RSBN1L: variants seen among roughly 807,000 people sequenced by gnomAD.
RSBN1L encodes lysine-specific demethylase RSBN1L.
A neutral mutation model predicts 67.7 loss-of-function variants in RSBN1L; 30 were observed. The observed-to-expected ratio is 0.44, with a 90% CI of 0.33 to 0.60. The LOEUF is 0.60. Among genes scored for constraint, RSBN1L ranks in the 20% least tolerant of loss-of-function variants. The probability of loss-of-function intolerance (pLI) is 0.02; values close to 1 mark genes in which losing one functional copy is unlikely to be tolerated. For synonymous variants in RSBN1L, 433 were observed against 387.0 expected, an observed-to-expected ratio of 1.12 and a Z score of -1.39; for missense variants, 992 against 1,031.7, an observed-to-expected ratio of 0.96 and a Z score of 0.53.
intron 1 of RSBN1L, among the ~76,000 whole-genome samples, chr7:77,701,008 A>T (rs1790808232): frequency 6.6e-6 from 1 of 152,060 alleles, no homozygotes; most frequent in South Asian, 2.1e-4. Flanking sequence ...AATACAAAAA[A>T]TTAGCCGGGT....
intron 5 of RSBN1L, among the ~76,000 whole-genome samples, chr7:77,770,517 C>A (rs1377732540): frequency 6.6e-6 from 1 of 152,032 alleles, no homozygotes; most frequent in African/African-American, 2.4e-5. Flanking sequence ...GCCGCCTCTA[C>A]AAAATAAATT....
intron 1 of RSBN1L, among the ~76,000 whole-genome samples, chr7:77,706,808 A>C (rs1790898815): frequency 1.3e-5 from 2 of 152,200 alleles, no homozygotes; most frequent in Non-Finnish European, 2.9e-5. Context: ...GTGCTTGTAG[A>C]TAAAGATTGA....
At chr7:77,763,082 CAAGAT>C (rs1442020741) in intron 3 of RSBN1L, among the ~76,000 whole-genome samples, 1 of 148,282 alleles carries the variant, frequency 6.7e-6, no homozygotes, top group Non-Finnish European at 1.5e-5. Context: ...CTAATTTAAA[CAAGAT>C]AAGGAAATTT....
At chr7:77,713,311 C>A (rs181039745) in intron 1 of RSBN1L, among the ~76,000 whole-genome samples, 98 of 151,782 alleles carry the variant, frequency 6.5e-4, no homozygotes, top group Non-Finnish European at 1.1e-3. Context: ...TTTATGTACT[C>A]AAATTCATCA....
intron 1 of RSBN1L, among the ~76,000 whole-genome samples, chr7:77,699,161 C>T (rs1270260121): frequency 6.6e-6 from 1 of 152,148 alleles, no homozygotes; most frequent in Non-Finnish European, 1.5e-5. Context: ...GTATATACCT[C>T]TTTTTAGTGT....
intron 1 of RSBN1L, among the ~76,000 whole-genome samples, chr7:77,711,829 A>T (rs1464478522): frequency 1.3e-5 from 2 of 152,216 alleles, no homozygotes; most frequent in Non-Finnish European, 2.9e-5. Flanking sequence ...ATTTCCATAT[A>T]TATAGAATTA....
chr7:77,702,740 CG>C (rs1439836317), intron 1 of RSBN1L, among the ~76,000 whole-genome samples: 1 of 152,094 alleles, frequency 6.6e-6, no homozygotes, highest in Non-Finnish European at 1.5e-5. Flanking sequence ...TGGCTGGAAG[CG>C]TGAGGTCAGC....
rs1448290139 is a variant in RSBN1L at position 77,722,748 on chromosome 7, G to T, written c.587-13662G>T. On this transcript the variant is annotated intron_variant, in intron 1 of 7. Transcript: ENST00000334955. ...CTATTTCTAGCCATACATTATTCCT[G>T]GAAGGAATAATGTAAGAGAGGGAAG... 4.0e-5 allele frequency among the ~76,000 whole-genome samples: 6 copies of T among 151,686 alleles called. 1 individual carries two copies. The highest frequency in any genetic ancestry group is 3.9e-4 in the East Asian group (2 of 5,142).
intron 2 of RSBN1L, among the ~76,000 whole-genome samples, chr7:77,738,333 T>C (rs543391290): frequency 2.9e-4 from 44 of 152,286 alleles, no homozygotes; most frequent in African/African-American, 1.1e-3. Context: ...ATATTAACTT[T>C]GAAGTAGACA....
At chr7:77,729,148 G>C (rs551617679) in intron 1 of RSBN1L, among the ~76,000 whole-genome samples, 4 of 152,236 alleles carry the variant, frequency 2.6e-5, no homozygotes, top group African/African-American at 7.2e-5. Context: ...CTGTTTTGCA[G>C]CTTCCATTGT....
chr7:77,762,811 A>G (rs1257652238), intron 3 of RSBN1L, among the ~76,000 whole-genome samples: 1 of 152,152 alleles, frequency 6.6e-6, no homozygotes, highest in African/African-American at 2.4e-5. Flanking sequence ...CTATAATTTA[A>G]TAATGTTATA....
At chr7:77,729,721 G>A (rs1169332105) in intron 1 of RSBN1L, among the ~76,000 whole-genome samples, 1 of 152,188 alleles carries the variant, frequency 6.6e-6, no homozygotes, top group Non-Finnish European at 1.5e-5. Flanking sequence ...GGGAGGCTGA[G>A]GGTAGGTGGA....
At chr7:77,740,515 G>A (rs925443530) in intron 2 of RSBN1L, among the ~76,000 whole-genome samples, 48 of 152,046 alleles carry the variant, frequency 3.2e-4, no homozygotes, top group African/African-American at 1.1e-3. Flanking sequence ...AAGCAGATTC[G>A]AATCCCAGAG....
chr7:77,759,480 T>A (rs1209179606), intron 3 of RSBN1L: 1 of 152,072 alleles, frequency 6.6e-6, no homozygotes, highest in Non-Finnish European at 1.5e-5. Context: ...GGATAATGGC[T>A]CCCCCTTGTG....
chr7:77,717,217 A>G (rs945588682), intron 1 of RSBN1L, among the ~76,000 whole-genome samples: 3 of 152,122 alleles, frequency 2.0e-5, no homozygotes, highest in African/African-American at 7.2e-5. Context: ...TTGGGATTAC[A>G]GGCGTCAGCC....
Position 77,760,852 on chromosome 7 carries a change from T to C in RSBN1L, c.1345-4643T>C, listed in dbSNP as rs148997877. ...GGTTTTGTCATGTTGGCCAGGCTGG[T>C]ATCAAACTCTTGATCTCAAATGATC... On this transcript the variant is annotated intron_variant, in intron 3 of 7. Transcript: ENST00000334955. 3.2e-3 allele frequency among the ~76,000 whole-genome samples: 483 copies of C among 152,352 alleles called. 1 individual carries two copies. The highest frequency in any genetic ancestry group is 0.011 in the African/African-American group (467 of 41,588).
rs1791975067 is a variant in RSBN1L, at chr7:77,779,824, T to TTTTTTTCTTTTTTTC, written c.*663_*677dup. On this transcript the variant is annotated 3_prime_UTR_variant, in exon 8 of 8. Transcript: ENST00000334955. ...TCCTCACACTGTGCAGGCTTTTTTTTTTTTTTCTTTTTTTCTTTTTTTTGA... is the reference window on the plus strand; with the variant it reads ...TCCTCACACTGTGCAGGCTTTTTTTTTTTTTTCTTTTTTTCTTTTTTCTTTTTTTCTTTTTTTTGA... 6.6e-6 allele frequency: 1 copy of TTTTTTTCTTTTTTTC among 151,478 alleles called. No individual in the cohort carries two copies. The highest frequency in any genetic ancestry group is 1.5e-5 in the Non-Finnish European group (1 of 67,806). 9.4% of individuals were successfully genotyped at this position (151,478 alleles called of 1,614,324 possible).
intron 6 of RSBN1L, among the ~76,000 whole-genome samples, chr7:77,776,495 T>G (rs940145031): frequency 6.6e-6 from 1 of 152,268 alleles, no homozygotes; most frequent in African/African-American, 2.4e-5. Flanking sequence ...ATGTCTATTC[T>G]TAACATCTAA....
At chr7:77,722,005 A>C (rs994045831) in intron 1 of RSBN1L, among the ~76,000 whole-genome samples, 3 of 152,224 alleles carry the variant, frequency 2.0e-5, no homozygotes, top group African/African-American at 4.8e-5. Context: ...GAAATATTTT[A>C]ACGAAGTATA....
Sources: gnomAD v4.1 joint callset for allele counts (sites outside exome capture counted in the v4.1 genomes callset) on GRCh38, gnomAD v4.1.1 for gene constraint, MANE v1.5 for transcripts, NCBI Gene and HGNC (gene_info 2026-07-23, HGNC 2026-07-21) for gene names.